Variants in NAV2 observed in about 807,000 individuals in gnomAD.
NAV2 encodes helicase, APC down-regulated 1.
NAV2 carries 54 observed loss-of-function variants against 223.2 expected under a neutral mutation model. The observed-to-expected ratio is 0.24, with a 90% CI of 0.19 to 0.30. The LOEUF is 0.30. Among genes scored for constraint, NAV2 ranks in the 10% least tolerant of loss-of-function variants. The pLI is 1.00. For missense variants in NAV2, 2,806 were observed against 3,147.5 expected, an observed-to-expected ratio of 0.89 and a Z score of 2.60; for synonymous variants, 1,279 against 1,239.3, an observed-to-expected ratio of 1.03 and a Z score of -0.67.
intron 11 of NAV2, among the ~76,000 whole-genome samples, chr11:20,000,695 C>G (rs1238297375): frequency 6.6e-6 from 1 of 152,150 alleles, no homozygotes; most frequent in Non-Finnish European, 1.5e-5. Flanking sequence ...GCTAGGGAGG[C>G]TTCTGTACAC....
At chr11:19,741,255 CTT>C (rs1474949177) in intron 1 of NAV2, among the ~76,000 whole-genome samples, 1 of 152,092 alleles carries the variant, frequency 6.6e-6, no homozygotes, top group Non-Finnish European at 1.5e-5. Flanking sequence ...ATATAAGTAT[CTT>C]TATGTGTGTG....
chr11:19,358,421 A>T (rs113663861), intron 1 of NAV2, among the ~76,000 whole-genome samples: 10 of 152,280 alleles, frequency 6.6e-5, no homozygotes, highest in African/African-American at 2.4e-4. Flanking sequence ...GAGCCATGTA[A>T]CTGCATATGT....
chr11:19,591,733 G>A (rs180959417), intron 1 of NAV2, among the ~76,000 whole-genome samples: 4 of 152,308 alleles, frequency 2.6e-5, no homozygotes, highest in African/African-American at 4.8e-5. Context: ...TTTGCCTTCA[G>A]TATCTGCTAG....
At chr11:19,831,931 A>C (rs528168647) in intron 1 of NAV2, among the ~76,000 whole-genome samples, 1 of 152,332 alleles carries the variant, frequency 6.6e-6, no homozygotes, top group Non-Finnish European at 1.5e-5. Flanking sequence ...TTGTGAGGCC[A>C]TAAATAACTT....
At chr11:19,735,009 A>G (rs2052154319) in intron 1 of NAV2, among the ~76,000 whole-genome samples, 1 of 152,236 alleles carries the variant, frequency 6.6e-6, no homozygotes, top group African/African-American at 2.4e-5. Flanking sequence ...GTGTGACCTT[A>G]AACAAGTCAT....
At chr11:19,900,808 A>G (rs1422533957) in intron 6 of NAV2, among the ~76,000 whole-genome samples, 5 of 152,216 alleles carry the variant, frequency 3.3e-5, no homozygotes, top group East Asian at 1.9e-4. Flanking sequence ...TGGGCATTCT[A>G]TCTTTATCAC....
rs987878133 is a variant in NAV2 at position 19,740,586 on chromosome 11, T to G, written c.267+26624T>G. Among the ~76,000 whole-genome samples, 4 of 151,882 alleles carry G rather than the reference T, an allele frequency of 2.6e-5. No homozygotes were observed. The East Asian group carries it at 7.7e-4, about 29-fold the overall frequency. On this transcript the variant is annotated intron_variant, in intron 1 of 37. Coordinates refer to ENST00000349880, the MANE Select transcript of NAV2 (RefSeq NM_145117.5). ...TACTAAAAAAAAATAAAAATAAAAA[T>G]AAAAAGAACACAGGAGACATATTCA...
intron 3 of NAV2, among the ~76,000 whole-genome samples, chr11:19,848,662 A>C (rs926192689): frequency 1.2e-4 from 18 of 152,210 alleles, no homozygotes; most frequent in Non-Finnish European, 2.6e-4. Flanking sequence ...GACAATCTAC[A>C]TGAAGTGCTG....
chr11:19,829,652 G>A (rs563410042), intron 1 of NAV2, among the ~76,000 whole-genome samples: 1 of 152,270 alleles, frequency 6.6e-6, no homozygotes, highest in Admixed American at 6.5e-5. Context: ...GGCACAGAGG[G>A]AATTGATAGC....
chr11:19,821,229 T>C (rs1264659272), intron 1 of NAV2, among the ~76,000 whole-genome samples: 1 of 134,556 alleles, frequency 7.4e-6, no homozygotes, highest in African/African-American at 2.9e-5. Context: ...GCCACTGCAC[T>C]CCAGCCTGGG....
chr11:19,896,739 A>G (rs2042013730), intron 6 of NAV2, among the ~76,000 whole-genome samples: 1 of 152,244 alleles, frequency 6.6e-6, no homozygotes, highest in Non-Finnish European at 1.5e-5. Flanking sequence ...GTAAGTGACA[A>G]AAATATTTCA....
At chr11:19,859,742 C>T (rs1288291022) in intron 3 of NAV2, among the ~76,000 whole-genome samples, 32 of 151,418 alleles carry the variant, frequency 2.1e-4, no homozygotes, top group East Asian at 2.0e-3. Flanking sequence ...CCTCACCTCC[C>T]GGACCGGGCG....
intron 24 of NAV2, among the ~76,000 whole-genome samples, chr11:20,079,513 A>G (rs920111321): frequency 8.5e-5 from 13 of 152,230 alleles, no homozygotes; most frequent in African/African-American, 3.1e-4. Flanking sequence ...CATTTTCAAT[A>G]TCGGTGTTGT....
chr11:20,009,225 T>C (rs1291452438), intron 11 of NAV2, among the ~76,000 whole-genome samples: 1 of 152,164 alleles, frequency 6.6e-6, no homozygotes, highest in Non-Finnish European at 1.5e-5. Flanking sequence ...AAGGTACTTT[T>C]CCCCCTGAGC....
chr11:19,464,800 A>G (rs1852292390), intron 1 of NAV2, among the ~76,000 whole-genome samples: 2 of 152,238 alleles, frequency 1.3e-5, no homozygotes, highest in Admixed American at 6.5e-5. Context: ...CACACTTGAA[A>G]ATGGACTGCA....
intron 1 of NAV2, among the ~76,000 whole-genome samples, chr11:19,358,741 C>CTTA (rs1853764573): frequency 6.6e-6 from 1 of 152,072 alleles, no homozygotes; most frequent in African/African-American, 2.4e-5. Context: ...CTTCAGACCC[C>CTTA]CTCTTCCCAC....
At chr11:19,952,025 C>T (rs1267480227) in intron 10 of NAV2, among the ~76,000 whole-genome samples, 3 of 152,206 alleles carry the variant, frequency 2.0e-5, no homozygotes, top group African/African-American at 7.2e-5. Flanking sequence ...ACTTGTTAAG[C>T]ATGTATCCAC....
intron 1 of NAV2, among the ~76,000 whole-genome samples, chr11:19,685,713 TA>T (rs2049003745): frequency 6.6e-6 from 1 of 152,168 alleles, no homozygotes; most frequent in African/African-American, 2.4e-5. Context: ...TGACTCTTTT[TA>T]AGTTGATGAG....
In NAV2 at chr11:19,717,545, C is replaced by T. The variant is rs919358589; in HGVS notation, c.267+3583C>T. ...TGAAGAGCAAGGTCATGCAGTGGTA[C>T]CGAGCAGTTGATGTTGCTTCATGCA... On this transcript the variant is annotated intron_variant, in intron 1 of 37. Transcript: ENST00000349880. Among the ~76,000 whole-genome samples, 3 of 152,208 alleles carry T rather than the reference C, an allele frequency of 2.0e-5. No homozygotes were observed. In the East Asian group the frequency reaches 5.8e-4, roughly 29 times the overall value.
Sources: allele counts gnomAD v4.1 joint callset (sites outside exome capture counted in the v4.1 genomes callset), GRCh38; gene constraint gnomAD v4.1.1; transcripts MANE v1.5; gene names NCBI Gene and HGNC (gene_info 2026-07-23, HGNC 2026-07-21).